The following WWOX variants were observed in gnomAD, a reference collection of about 807,000 sequenced individuals.
WWOX encodes the protein WW domain containing oxidoreductase.
In WWOX, 69 loss-of-function variants were observed where a neutral mutation model predicts 46.2. The observed-to-expected ratio is 1.49, with a 90% CI of 1.23 to 1.82. The LOEUF (loss-of-function observed/expected upper bound fraction) is 1.82, where lower values mean the gene tolerates loss of function less well. Among genes scored for constraint, WWOX ranks in the 40% most tolerant of loss-of-function variants. The pLI is 0.00. For synonymous variants in WWOX, 359 were observed against 202.6 expected, an observed-to-expected ratio of 1.77 and a Z score of -6.56; for missense variants, 919 against 542.6, an observed-to-expected ratio of 1.69 and a Z score of -6.89.
At chr16:78,505,517 C>G (rs7190317) in intron 8 of WWOX, among the ~76,000 whole-genome samples, 12 of 152,084 alleles carry the variant, frequency 7.9e-5, no homozygotes, top group Admixed American at 6.5e-4. Context: ...GGAGACTGTT[C>G]AAGCACTGGA....
At chr16:78,117,646 C>G (rs956942191) in intron 4 of WWOX, among the ~76,000 whole-genome samples, 3 of 152,298 alleles carry the variant, frequency 2.0e-5, no homozygotes, top group African/African-American at 7.2e-5. Flanking sequence ...TAAAGTCCTT[C>G]TACTAAGCTA....
chr16:78,631,175 T>C (rs185846537), intron 8 of WWOX, among the ~76,000 whole-genome samples: 9 of 152,290 alleles, frequency 5.9e-5, no homozygotes, highest in African/African-American at 1.4e-4. Flanking sequence ...GGGGGTTCCT[T>C]GAACCAGTCC....
chr16:78,559,457 G>C (rs2044382090), intron 8 of WWOX, among the ~76,000 whole-genome samples: 1 of 150,580 alleles, frequency 6.6e-6, no homozygotes. Context: ...GGGAGAAAGA[G>C]ATGTTCTCCA....
chr16:78,122,600 AT>A (rs895247212), intron 4 of WWOX, among the ~76,000 whole-genome samples: 10 of 148,658 alleles, frequency 6.7e-5, no homozygotes, highest in South Asian at 2.1e-4. Flanking sequence ...GTTATTTTAC[AT>A]TTTTTTTCTT....
intron 8 of WWOX, among the ~76,000 whole-genome samples, chr16:78,815,631 A>G (rs146603724): frequency 7.2e-5 from 11 of 152,302 alleles, no homozygotes; most frequent in African/African-American, 2.2e-4. Flanking sequence ...TCTGGAAGGA[A>G]ACTTCGTCTG....
chr16:79,027,056 G>A (rs2550703), intron 8 of WWOX, among the ~76,000 whole-genome samples: 21,682 of 151,408 alleles, frequency 0.14, 1,856 homozygotes, highest in East Asian at 0.2. Flanking sequence ...AAGGCAGGAG[G>A]ATCACGTGAG....
At chr16:79,121,136 C>T (rs940848258) in intron 8 of WWOX, among the ~76,000 whole-genome samples, 34 of 152,134 alleles carry the variant, frequency 2.2e-4, no homozygotes, top group African/African-American at 8.0e-4. Context: ...CCAGAACTAT[C>T]GTATCAAAAA....
chr16:78,382,968 A>G (rs778531617), intron 5 of WWOX, among the ~76,000 whole-genome samples: 1 of 151,768 alleles, frequency 6.6e-6, no homozygotes, highest in Middle Eastern at 3.4e-3. Flanking sequence ...GAAACTTCCA[A>G]TCATGGCGAA....
chr16:78,325,328 A>T (rs137937568), intron 5 of WWOX, among the ~76,000 whole-genome samples: 1 of 152,314 alleles, frequency 6.6e-6, no homozygotes, highest in East Asian at 1.9e-4. Context: ...TTTTGAAGCA[A>T]TGTTTCATTA....
intron 8 of WWOX, among the ~76,000 whole-genome samples, chr16:79,186,932 A>G (rs781726561): frequency 1.8e-4 from 28 of 152,196 alleles, no homozygotes; most frequent in Non-Finnish European, 2.6e-4. Flanking sequence ...CAAGCCCAAA[A>G]GTAGACATGT....
chr16:79,115,531 G>T (rs2049499392), intron 8 of WWOX, among the ~76,000 whole-genome samples: 1 of 152,108 alleles, frequency 6.6e-6, no homozygotes, highest in Non-Finnish European at 1.5e-5. Context: ...GAAACCATCA[G>T]TTATGCAGTT....
intron 8 of WWOX, among the ~76,000 whole-genome samples, chr16:78,533,430 C>CA (rs1597224330): frequency 6.7e-6 from 1 of 149,742 alleles, no homozygotes; most frequent in Non-Finnish European, 1.5e-5. Context: ...AAAAAATCCC[C>CA]AAAAAATCTC....
chr16:78,472,265 C>G (rs1006774128), intron 8 of WWOX, among the ~76,000 whole-genome samples: 1 of 152,090 alleles, frequency 6.6e-6, no homozygotes, highest in African/African-American at 2.4e-5. Flanking sequence ...GAATGACTAA[C>G]GAGGATCAGA....
At chr16:78,427,271 G>C (rs966287785) in intron 7 of WWOX, among the ~76,000 whole-genome samples, 1 of 152,146 alleles carries the variant, frequency 6.6e-6, no homozygotes, top group African/African-American at 2.4e-5. Context: ...ACTGCTCCAA[G>C]GCAAAATATT....
At chr16:78,842,844 C>A (rs2052197160) in intron 8 of WWOX, among the ~76,000 whole-genome samples, 1 of 136,476 alleles carries the variant, frequency 7.3e-6, no homozygotes, top group South Asian at 2.5e-4. Context: ...CAGAGTGAGA[C>A]CCTATCTCAA....
intron 8 of WWOX, among the ~76,000 whole-genome samples, chr16:78,448,159 C>T (rs553175252): frequency 8.5e-5 from 13 of 152,206 alleles, no homozygotes; most frequent in East Asian, 5.8e-4. Flanking sequence ...CATTACTTGC[C>T]CCCAATCCAT....
intron 8 of WWOX, among the ~76,000 whole-genome samples, chr16:78,635,208 G>A (rs963540786): frequency 2.0e-5 from 3 of 152,124 alleles, no homozygotes; most frequent in Non-Finnish European, 4.4e-5. Context: ...CTGGGGTCTG[G>A]CTCTGGGCTA....
chr16:78,447,676 C>G (rs139519480), intron 8 of WWOX, among the ~76,000 whole-genome samples: 1 of 152,178 alleles, frequency 6.6e-6, no homozygotes, highest in African/African-American at 2.4e-5. Context: ...AATAAAGAAA[C>G]CATGCAGGAT....
chr16:78,373,027 A>G (rs925557310), intron 5 of WWOX, among the ~76,000 whole-genome samples: 3 of 152,162 alleles, frequency 2.0e-5, no homozygotes, highest in Non-Finnish European at 4.4e-5. Context: ...TTTGGACTCC[A>G]GAATCAATTG....
Sources: allele counts gnomAD v4.1 joint callset (sites outside exome capture counted in the v4.1 genomes callset), GRCh38; gene constraint gnomAD v4.1.1; transcripts MANE v1.5; gene names NCBI Gene and HGNC (gene_info 2026-07-23, HGNC 2026-07-21).